The following RNLS variants were observed in gnomAD, a reference collection of about 807,000 sequenced individuals.
RNLS encodes the protein renalase.
RNLS carries 39 observed loss-of-function variants against 39.8 expected under a neutral mutation model. That is an observed-to-expected ratio of 0.98 (90% CI 0.76 to 1.28). The LOEUF is 1.28. RNLS is among the 50% of genes most tolerant of loss of function. The pLI is 0.00. For synonymous variants in RNLS, 147 were observed against 150.7 expected (o/e 0.98, Z 0.18); for missense variants, 410 against 413.3 (o/e 0.99, Z 0.07).
chr10:88,289,606 T>A (rs1229342248), intron 6 of RNLS, among the ~76,000 whole-genome samples: 1 of 152,172 alleles, frequency 6.6e-6, no homozygotes, highest in African/African-American at 2.4e-5. Flanking sequence ...CCTCTCCTCC[T>A]AGACTGCAAG....
At chr10:88,338,496 C>A (rs745581315) in intron 5 of RNLS, among the ~76,000 whole-genome samples, 1 of 152,222 alleles carries the variant, frequency 6.6e-6, no homozygotes, top group South Asian at 2.1e-4. Context: ...CATGGAAAGT[C>A]ATGTGTAACT....
the RNLS span, among the ~76,000 whole-genome samples, chr10:88,228,168 T>A: frequency 6.6e-6 from 1 of 152,130 alleles, no homozygotes; most frequent in East Asian, 1.9e-4. Context: ...ATGTAAAAAA[T>A]CAAAAACAAA....
chr10:88,195,051 G>A, the RNLS span, among the ~76,000 whole-genome samples: 1 of 152,184 alleles, frequency 6.6e-6, no homozygotes, highest in Non-Finnish European at 1.5e-5. Context: ...GACCTGGTGG[G>A]TGTTGGATCC....
chr10:88,508,655 C>A (rs1020151504), intron 4 of RNLS, among the ~76,000 whole-genome samples: 2 of 152,024 alleles, frequency 1.3e-5, no homozygotes, highest in African/African-American at 4.8e-5. Flanking sequence ...TAAATTTTGG[C>A]ATTGTTTAGT....
chr10:88,173,042 T>A, the RNLS span, among the ~76,000 whole-genome samples: 1 of 151,480 alleles, frequency 6.6e-6, no homozygotes. Flanking sequence ...ATTTTTTTAG[T>A]AGAGACAGGG....
intron 4 of RNLS, among the ~76,000 whole-genome samples, chr10:88,485,557 T>C (rs1223375186): frequency 6.6e-6 from 1 of 151,120 alleles, no homozygotes; most frequent in East Asian, 1.9e-4. Context: ...AATAAAAGAA[T>C]TACTCCAATA....
chr10:88,293,593 T>C (rs939297068), intron 6 of RNLS, among the ~76,000 whole-genome samples: 1 of 152,208 alleles, frequency 6.6e-6, no homozygotes, highest in African/African-American at 2.4e-5. Context: ...TTTAAATTCT[T>C]GTAGCTGTGT....
chr10:88,288,418 A>G (rs1843435184), intron 6 of RNLS, among the ~76,000 whole-genome samples: 1 of 152,168 alleles, frequency 6.6e-6, no homozygotes, highest in Non-Finnish European at 1.5e-5. Flanking sequence ...ATTTTTGATT[A>G]GTCACTTAGC....
chr10:88,419,802 T>G (rs952861589), intron 4 of RNLS, among the ~76,000 whole-genome samples: 1 of 151,898 alleles, frequency 6.6e-6, no homozygotes, highest in African/African-American at 2.4e-5. Flanking sequence ...GTCAGGAGTT[T>G]GAGACCAGCT....
the RNLS span, among the ~76,000 whole-genome samples, chr10:88,206,653 T>C: frequency 6.6e-6 from 1 of 152,128 alleles, no homozygotes; most frequent in African/African-American, 2.4e-5. Context: ...AGTTCAGGAA[T>C]AGTTGGTTGC....
intron 5 of RNLS, among the ~76,000 whole-genome samples, chr10:88,349,724 C>T (rs1464535124): frequency 2.0e-5 from 3 of 151,650 alleles, no homozygotes; most frequent in African/African-American, 7.3e-5. Flanking sequence ...TGTGTATATA[C>T]ACATATTGTA....
intron 5 of RNLS, among the ~76,000 whole-genome samples, chr10:88,327,348 T>C (rs186527197): frequency 1.3e-5 from 2 of 152,236 alleles, no homozygotes; most frequent in African/African-American, 4.8e-5. Context: ...TGTGAGGTGA[T>C]TGGATCATGG....
intron 4 of RNLS, among the ~76,000 whole-genome samples, chr10:88,546,205 T>C (rs1398012080): frequency 6.6e-6 from 1 of 152,060 alleles, no homozygotes; most frequent in Admixed American, 6.6e-5. Flanking sequence ...TTAAGTATCA[T>C]AAGTATGTTT....
At chr10:88,228,232 C>A in the RNLS span, among the ~76,000 whole-genome samples, 1 of 152,170 alleles carries the variant, frequency 6.6e-6, no homozygotes, top group Admixed American at 6.5e-5. Context: ...TTCCTAGTGG[C>A]TTAAATAAGT....
chr10:88,548,261 C>CAAAAAA (rs869175046), intron 4 of RNLS, among the ~76,000 whole-genome samples: 159 of 32,408 alleles, frequency 4.9e-3, no homozygotes, highest in Non-Finnish European at 6.6e-3. Flanking sequence ...GACTCCGTCT[C>CAAAAAA]AAAAAAAAAA....
At chr10:88,240,803 T>C in the RNLS span, among the ~76,000 whole-genome samples, 2,345 of 152,224 alleles carry the variant, frequency 0.015, 30 homozygotes, top group Non-Finnish European at 0.023. Context: ...CCTCTTCTAA[T>C]TTATTCTTCT....
At chr10:88,481,129 C>A (rs914357856) in intron 4 of RNLS, among the ~76,000 whole-genome samples, 2 of 152,102 alleles carry the variant, frequency 1.3e-5, no homozygotes, top group African/African-American at 4.8e-5. Context: ...ACAGTATAGC[C>A]ACTACAGCTT....
chr10:88,325,439 T>TAGCAGCAGC (rs1312759111), intron 5 of RNLS, among the ~76,000 whole-genome samples: 5 of 152,204 alleles, frequency 3.3e-5, no homozygotes, highest in African/African-American at 1.2e-4. Context: ...ACCCCAGCAG[T>TAGCAGCAGC]AGCAGCAGCA....
At chr10:88,236,887 C>CT in the RNLS span, among the ~76,000 whole-genome samples, 1 of 152,060 alleles carries the variant, frequency 6.6e-6, no homozygotes, top group African/African-American at 2.4e-5. Context: ...ATCTTCCAGG[C>CT]TTTTTTTGTT....
Sources: allele counts gnomAD v4.1 joint callset (sites outside exome capture counted in the v4.1 genomes callset), GRCh38; gene constraint gnomAD v4.1.1; transcripts MANE v1.5; gene names NCBI Gene and HGNC (gene_info 2026-07-23, HGNC 2026-07-21).